PHF20: variants seen among roughly 807,000 people sequenced by gnomAD.
The protein encoded by PHF20 is PHD finger protein 20, also known as glioma-expressed antigen 2.
PHF20 carries 23 observed loss-of-function variants against 113.5 expected under a neutral mutation model. The observed-to-expected ratio is 0.20, with a 90% CI of 0.15 to 0.29. PHF20 has a LOEUF of 0.29. PHF20 is among the 10% of genes least tolerant of loss of function. The pLI, the probability that PHF20 is intolerant of heterozygous loss-of-function variation, is 1.00. For synonymous variants in PHF20, 434 were observed against 457.3 expected, an observed-to-expected ratio of 0.95 and a Z score of 0.65; for missense variants, 943 against 1,219.6, an observed-to-expected ratio of 0.77 and a Z score of 3.38.
At chr20:35,943,609 CTTTATTTATTTA>C (rs746118909) in intron 17 of PHF20, among the ~76,000 whole-genome samples, 2 of 148,724 alleles carry the variant, frequency 1.3e-5, no homozygotes, top group African/African-American at 2.5e-5. Context: ...ATGAATAGTA[CTTTATTTATTTA>C]TTTATTTATT....
chr20:35,797,783 C>T (rs2041697263), intron 1 of PHF20, among the ~76,000 whole-genome samples: 1 of 151,360 alleles, frequency 6.6e-6, no homozygotes, highest in Non-Finnish European at 1.5e-5. Context: ...TCCTGAGTAG[C>T]TGGGATTACA....
chr20:35,772,116 C>T (rs2041066965), intron 1 of PHF20, 37 bp downstream of exon 1: 2 of 149,512 alleles, frequency 1.3e-5, no homozygotes, highest in South Asian at 2.1e-4. Context: ...CCGGCCGGGC[C>T]GGGTTGGGCC....
chr20:35,807,893 T>G (rs2041912413), intron 2 of PHF20, among the ~76,000 whole-genome samples: 2 of 152,182 alleles, frequency 1.3e-5, no homozygotes, highest in African/African-American at 4.8e-5. Flanking sequence ...GAGTTCTTAT[T>G]TCTTAGAGAT....
chr20:35,827,634 ATTGGCTGGGCGTG>A (rs1438063028), intron 2 of PHF20, among the ~76,000 whole-genome samples: 5 of 151,942 alleles, frequency 3.3e-5, no homozygotes, highest in South Asian at 2.1e-4. Flanking sequence ...AATACAAAAA[ATTGGCTGGGCGTG>A]GTGGCGGGTG....
chr20:35,849,813 G>A (rs2042686945), intron 4 of PHF20, among the ~76,000 whole-genome samples: 1 of 152,216 alleles, frequency 6.6e-6, no homozygotes, highest in Non-Finnish European at 1.5e-5. Flanking sequence ...CTGCCAGGAG[G>A]AGGCAGGGGA....
chr20:35,894,646 T>A (rs1208481906), intron 9 of PHF20, among the ~76,000 whole-genome samples: 1 of 152,236 alleles, frequency 6.6e-6, no homozygotes, highest in Non-Finnish European at 1.5e-5. Flanking sequence ...TACACCTTTC[T>A]AAGCTCTTTG....
At chr20:35,772,821 C>CT (rs1004473980) in intron 1 of PHF20, among the ~76,000 whole-genome samples, 3 of 152,148 alleles carry the variant, frequency 2.0e-5, no homozygotes, top group African/African-American at 7.2e-5. Context: ...TTTTGGGATA[C>CT]TTTCTTGTAT....
Position 35,847,371 on chromosome 20 carries a change from G to A in PHF20, c.277G>A (p.Val93Ile). The change falls in exon 4 of 18, where the codon GTC becomes ATC. Residue 93 changes from valine to isoleucine, a missense_variant. Physicochemically the swap from Val to Ile is conservative, Grantham distance 29. Transcript: ENST00000374012. ...GSSEFQINEQ[V>I]LACWSDCRFY... ...TTAGGAATTTCAAATAAATGAGCAG[G>A]TCCTTGCTTGCTGGTCTGATTGTCG... 2 of 1,609,134 alleles carry A rather than the reference G, an allele frequency of 1.2e-6. No individual in the cohort carries two copies. Among genetic ancestry groups the A allele is most frequent in the Non-Finnish European group, 8.5e-7 (1 of 1,176,754 alleles).
intron 14 of PHF20, among the ~76,000 whole-genome samples, chr20:35,928,375 GTTGCAGTGAGCCGAGA>G (rs1311208930): frequency 6.7e-6 from 1 of 148,530 alleles, no homozygotes; most frequent in Non-Finnish European, 1.5e-5. Context: ...GGTGGCGGAG[GTTGCAGTGAGCCGAGA>G]TCATGCCAGT....
At chr20:35,839,260 G>A (rs1351397550) in intron 2 of PHF20, among the ~76,000 whole-genome samples, 9 of 150,682 alleles carry the variant, frequency 6.0e-5, no homozygotes, top group Admixed American at 1.3e-4. Context: ...GCGTGGTGGC[G>A]GGCGCCTGTA....
chr20:35,927,715 G>T, intron 13 of PHF20, 65 bp from the exon 14 acceptor site: 1 of 1,214,590 alleles, frequency 8.2e-7, no homozygotes, highest in South Asian at 1.2e-5. Flanking sequence ...TCAGCAGGTG[G>T]GTCTTACTTT....
At chr20:35,937,179 G>T (rs1032674775) in intron 15 of PHF20, among the ~76,000 whole-genome samples, 1 of 151,936 alleles carries the variant, frequency 6.6e-6, no homozygotes, top group African/African-American at 2.4e-5. Context: ...TTATCTAAAG[G>T]CCAGTCGCCA....
intron 13 of PHF20, among the ~76,000 whole-genome samples, chr20:35,924,071 T>C (rs2055571979): frequency 6.6e-6 from 1 of 152,146 alleles, no homozygotes; most frequent in African/African-American, 2.4e-5. Context: ...GTTACCATTA[T>C]AACCATTTTT....
At chr20:35,901,490 G>T (rs912207072) in intron 10 of PHF20, among the ~76,000 whole-genome samples, 4 of 151,758 alleles carry the variant, frequency 2.6e-5, no homozygotes, top group Non-Finnish European at 5.9e-5. Context: ...GTAAGAAACT[G>T]CAGAGAGATA....
chr20:35,863,457 C>G, intron 6 of PHF20, 57 bp downstream of exon 6: 1 of 1,452,550 alleles, frequency 6.9e-7, no homozygotes, highest in Non-Finnish European at 9.3e-7. Context: ...TTCTGTGGCC[C>G]TTTGTGGTTC....
At chr20:35,907,837 ATTTC>A (rs1391397877) in intron 10 of PHF20, among the ~76,000 whole-genome samples, 2 of 152,160 alleles carry the variant, frequency 1.3e-5, no homozygotes, top group African/African-American at 4.8e-5. Flanking sequence ...TAAGTCCAGT[ATTTC>A]TTTGTTTTTT....
At chr20:35,864,760 T>C (rs1332872401) in intron 6 of PHF20, among the ~76,000 whole-genome samples, 2 of 152,190 alleles carry the variant, frequency 1.3e-5, no homozygotes, top group Non-Finnish European at 2.9e-5. Flanking sequence ...AGACCTCTGC[T>C]GTCTAGTATG....
chr20:35,775,504 C>T (rs746353612), intron 1 of PHF20, among the ~76,000 whole-genome samples: 6 of 152,130 alleles, frequency 3.9e-5, no homozygotes, highest in South Asian at 2.1e-4. Flanking sequence ...TGCTTGTAAT[C>T]CCAGCACTTT....
At position 35,899,569 on chromosome 20, in the gene PHF20, C is replaced by G. The variant is rs2055056112; in HGVS notation, c.1482C>G (p.Val494=). The change falls in exon 10 of 18, where the codon GTC becomes GTG. Residue 494 remains valine (V), a synonymous_variant. Coordinates refer to ENST00000374012, the MANE Select transcript of PHF20 (RefSeq NM_016436.5). ...EPEESPGKRH[V]QTRGPSASDK... is the part of the protein sequence containing the mutation. ...AAGAGAGCCCGGGAAAGAGGCATGT[C>G]CAAACCAGGGGCCCTTCAGCTTCAG... 1 of 1,614,014 alleles carries G rather than the reference C, an allele frequency of 6.2e-7. No individual in the cohort carries two copies. The highest frequency in any genetic ancestry group is 1.3e-5 in the African/African-American group (1 of 74,918).
Sources: allele counts gnomAD v4.1 joint callset (sites outside exome capture counted in the v4.1 genomes callset), GRCh38; gene constraint gnomAD v4.1.1; transcripts MANE v1.5; gene names NCBI Gene and HGNC (gene_info 2026-07-23, HGNC 2026-07-21).